Variants in EVC2 observed in about 807,000 individuals in gnomAD.
The protein encoded by EVC2 is EvC ciliary complex subunit 2, also known as limbin.
In EVC2, 148 loss-of-function variants were observed where a neutral mutation model predicts 149.3. The ratio of observed to expected loss-of-function variants is 0.99; its 90% CI spans 0.87 to 1.14. The LOEUF is 1.14. Among genes scored for constraint, EVC2 ranks in the 50% most tolerant of loss-of-function variants. The pLI, the probability that EVC2 is intolerant of heterozygous loss-of-function variation, is 0.00. For missense variants in EVC2, 1,854 were observed against 1,627.3 expected (o/e 1.14, Z -2.40); for synonymous variants, 776 against 649.9 (o/e 1.19, Z -2.95).
rs78243569 is a variant in EVC2, at chr4:5,642,232, T to C, written c.1146-1394A>G. Among the ~76,000 whole-genome samples, 1,354 of 152,354 alleles carry C rather than the reference T, an allele frequency of 8.9e-3. 23 individuals carry two copies. The highest frequency in any genetic ancestry group is 0.031 in the African/African-American group (1,269 of 41,578). On this transcript the variant is annotated intron_variant, in intron 9 of 21. Transcript: ENST00000344408. ...AAGTCCTTGCTATTGTAAATAGTGC[T>C]GCACGTCTTTATAGTAGAAGGTCAT...
Position 5,640,910 on chromosome 4 carries a change from C to T in EVC2, c.1146-72G>A. ...CAGAAACCAAAGGTCTTTCAAAGCTCTGAGGTTTTCATTTATGTGTAGGCA... is the reference window on the plus strand; with the variant it reads ...CAGAAACCAAAGGTCTTTCAAAGCTTTGAGGTTTTCATTTATGTGTAGGCA... On this transcript the variant is annotated intron_variant, in intron 9 of 21. Coordinates refer to ENST00000344408, the MANE Select transcript of EVC2 (RefSeq NM_147127.5). This position sits in a 1 kb window ranked among gnomAD's most constrained non-coding sequence, Gnocchi z 4.6. 6.4e-7 allele frequency: 1 copy of T among 1,567,852 alleles called. No individual in the cohort carries two copies. Among genetic ancestry groups the T allele is most frequent in the Non-Finnish European group, 8.8e-7 (1 of 1,141,686 alleles).
chr4:5,588,014 G>A (rs984164204), intron 16 of EVC2, among the ~76,000 whole-genome samples: 1 of 152,068 alleles, frequency 6.6e-6, no homozygotes, highest in African/African-American at 2.4e-5. Context: ...TCCTCCCTGA[G>A]TTCTAGATTT....
chr4:5,589,484 T>C (rs1712594059), intron 16 of EVC2, among the ~76,000 whole-genome samples: 1 of 152,192 alleles, frequency 6.6e-6, no homozygotes, highest in Non-Finnish European at 1.5e-5. Flanking sequence ...TGTGCAGCTC[T>C]TTCTTTTCTG....
intron 9 of EVC2, among the ~76,000 whole-genome samples, chr4:5,647,757 A>G (rs773661880): frequency 6.6e-6 from 1 of 152,230 alleles, no homozygotes. Context: ...AGAACTGCAA[A>G]CACGTTAGGT....
rs969032399 is a variant in EVC2 at position 5,569,146 on chromosome 4, C to A, written c.3361-506G>T. 1.7e-4 allele frequency among the ~76,000 whole-genome samples: 26 copies of A among 152,168 alleles called. No homozygotes were observed. The highest frequency in any genetic ancestry group is 3.1e-4 in the Non-Finnish European group (21 of 68,036). Reference sequence around the variant, plus strand: ...ATGCCGAGTGGAAACAGCCAGTCTCCAAAGGTCACGTGCTGCGTGATTCCA... The same window carrying A: ...ATGCCGAGTGGAAACAGCCAGTCTCAAAAGGTCACGTGCTGCGTGATTCCA... On this transcript the variant is annotated intron_variant, in intron 19 of 21. Coordinates refer to ENST00000344408, the MANE Select transcript of EVC2 (RefSeq NM_147127.5). The surrounding 1 kb of genome is among the most constrained non-coding windows in gnomAD (Gnocchi z 4.8).
chr4:5,664,150 T>G (rs955217169), intron 8 of EVC2, among the ~76,000 whole-genome samples: 3 of 152,192 alleles, frequency 2.0e-5, no homozygotes, highest in Admixed American at 6.5e-5. Flanking sequence ...AACAACGCAG[T>G]GTTGGTGCCC....
intron 17 of EVC2, among the ~76,000 whole-genome samples, chr4:5,581,332 C>G (rs1711757821): frequency 6.6e-6 from 1 of 152,198 alleles, no homozygotes; most frequent in Admixed American, 6.5e-5. Context: ...AAGTTTGGAA[C>G]TTCCTAGAGA....
Position 5,676,513 on chromosome 4 carries a change from C to T in EVC2, c.870+4747G>A, listed in dbSNP as rs146141314. Among the ~76,000 whole-genome samples, 1,388 of 152,274 alleles carry T rather than the reference C, an allele frequency of 9.1e-3. 13 individuals carry two copies. Among genetic ancestry groups the T allele is most frequent in the Non-Finnish European group, 0.016 (1,056 of 68,022 alleles). On this transcript the variant is annotated intron_variant, in intron 7 of 21. Coordinates refer to ENST00000344408, the MANE Select transcript of EVC2 (RefSeq NM_147127.5). ...TAATCCCACTATCTCTGCAGGTCCC[C>T]GCCGCCATCAGCCCTGCTGGAACAC...
intron 9 of EVC2, among the ~76,000 whole-genome samples, chr4:5,650,671 A>AGAGAGAGAGAGAGAGT (rs35334619): frequency 9.8e-6 from 1 of 102,414 alleles, no homozygotes; most frequent in Admixed American, 1.1e-4. Flanking sequence ...AGAGAGAGAG[A>AGAGAGAGAGAGAGAGT]GCCATTTAAT....
chr4:5,586,300 G>A (rs1712272557), intron 16 of EVC2, among the ~76,000 whole-genome samples: 1 of 152,010 alleles, frequency 6.6e-6, no homozygotes, highest in Non-Finnish European at 1.5e-5. Flanking sequence ...TTATTTTAGT[G>A]GCTGCTTTAG....
chr4:5,708,530 C>T lies in EVC2; in HGVS notation c.-17G>A, dbSNP rs1048547708. On this transcript the variant is annotated 5_prime_UTR_variant, in exon 1 of 22. Coordinates refer to ENST00000344408, the MANE Select transcript of EVC2 (RefSeq NM_147127.5). ...GGGGTCCATCGCCTGTCGGGACCCGCTACCTCAAAGCGGCGGGTGCCGCCG... is the reference window on the plus strand; with the variant it reads ...GGGGTCCATCGCCTGTCGGGACCCGTTACCTCAAAGCGGCGGGTGCCGCCG... 1 of 1,429,470 alleles carries T rather than the reference C, an allele frequency of 7.0e-7. No individual in the cohort carries two copies. Among genetic ancestry groups the T allele is most frequent in the Non-Finnish European group, 9.1e-7 (1 of 1,097,240 alleles). 88.5% of individuals were successfully genotyped at this position (1,429,470 alleles called of 1,614,324 possible).
intron 9 of EVC2, among the ~76,000 whole-genome samples, chr4:5,648,640 C>T (rs1717899791): frequency 6.6e-6 from 1 of 152,222 alleles, no homozygotes. Flanking sequence ...ATAATAGTTT[C>T]CTCATTCTTG....
At chr4:5,542,822 T>G in exon 23 of EVC2, 1 of 244,952 alleles carries the variant, frequency 4.1e-6, no homozygotes. Flanking sequence ...ATGAGGGCCA[T>G]GACATTGTGT....
Position 5,618,624 on chromosome 4 carries a change from C to A in EVC2, c.2560G>T (p.Glu854Ter). The A allele has an allele frequency of 6.2e-7, 1 of 1,612,656 alleles. No individual in the cohort carries two copies. Among genetic ancestry groups the A allele is most frequent in the African/African-American group, 1.3e-5 (1 of 75,012 alleles). ...SEEELLRMRQ[E>*]VHGCFAQMDR... ...ATCTGAGCAAAGCAGCCATGGACCT[C>A]CTGCCTCATCCTGAGCAGCTCCTCT... The change falls in exon 15 of 22, where the codon GAG becomes TAG. Residue 854 changes from glutamate (E) to a stop codon, truncating the protein, a stop_gained. Coordinates refer to ENST00000344408, the MANE Select transcript of EVC2 (RefSeq NM_147127.5). LOFTEE classifies it high-confidence loss of function. The surrounding 1 kb of genome is among the most constrained non-coding windows in gnomAD (Gnocchi z 4.4).
chr4:5,602,058 T>C (rs995632058), intron 16 of EVC2, among the ~76,000 whole-genome samples: 2 of 152,108 alleles, frequency 1.3e-5, no homozygotes, highest in Non-Finnish European at 2.9e-5. Context: ...AAGAAATGCT[T>C]GAGGCCAAGA....
intron 21 of EVC2, among the ~76,000 whole-genome samples, chr4:5,551,301 G>T (rs1311054066): frequency 1.3e-5 from 2 of 152,220 alleles, no homozygotes; most frequent in African/African-American, 4.8e-5. Flanking sequence ...CAGGGGTAGA[G>T]TTGCCCAAGA....
rs548038962 is a variant in EVC2 at position 5,610,562 on chromosome 4, C to T, written c.2829+4860G>A. ...TGTGCATGTGGGCTGGGAGGTAGGA[C>T]AAAGGTCTGCCCCAAATGTAAACCA... On this transcript the variant is annotated intron_variant, in intron 16 of 21. Coordinates refer to ENST00000344408, the MANE Select transcript of EVC2 (RefSeq NM_147127.5). Among the ~76,000 whole-genome samples the T allele has an allele frequency of 9.2e-5, 14 of 152,182 alleles. No individual in the cohort carries two copies. In the East Asian group the frequency reaches 2.7e-3, roughly 30 times the overall value.
intron 9 of EVC2, among the ~76,000 whole-genome samples, chr4:5,651,522 G>A (rs1718145416): frequency 6.6e-6 from 1 of 152,134 alleles, no homozygotes; most frequent in Non-Finnish European, 1.5e-5. Flanking sequence ...GTGGATGAAT[G>A]AATGACTGAT....
chr4:5,667,520 C>T (rs79098343), intron 7 of EVC2, among the ~76,000 whole-genome samples: 8,358 of 152,222 alleles, frequency 0.055, 250 homozygotes, highest in Middle Eastern at 0.092. Context: ...TAGGGGGTCA[C>T]TGATTGTACC....
Sources: gnomAD v4.1 joint callset for allele counts (sites outside exome capture counted in the v4.1 genomes callset) on GRCh38, gnomAD v4.1.1 for gene constraint, Gnocchi (gnomAD v3.1) non-coding constraint, MANE v1.5 for transcripts, NCBI Gene and HGNC (gene_info 2026-07-23, HGNC 2026-07-21) for gene names.